The following NINL variants were observed in gnomAD, a reference collection of about 807,000 sequenced individuals.
NINL encodes ninein-like protein.
Under a neutral mutation model 160.3 loss-of-function variants are expected in NINL, and 153 were observed. The observed-to-expected ratio is 0.95, with a 90% CI of 0.84 to 1.09. NINL has a LOEUF of 1.09. Ranked by LOEUF, NINL falls within the 50% of genes least tolerant of loss-of-function variation. NINL has a pLI of 0.00. For synonymous variants in NINL, 800 were observed against 734.8 expected (o/e 1.09, Z -1.43); for missense variants, 1,829 against 1,764.0 (o/e 1.04, Z -0.66).
intron 1 of NINL, among the ~76,000 whole-genome samples, chr20:25,540,897 C>A (rs1173439734): frequency 6.6e-6 from 1 of 151,560 alleles, no homozygotes; most frequent in Non-Finnish European, 1.5e-5. Context: ...CAGGCACAGA[C>A]CCAAAATATC....
chr20:25,479,511 C>T (rs1239840222), intron 15 of NINL, among the ~76,000 whole-genome samples: 5 of 152,192 alleles, frequency 3.3e-5, no homozygotes, highest in African/African-American at 1.2e-4. Context: ...GGAATCTTTA[C>T]AGGACCTCGG....
chr20:25,582,634 T>C (rs184678969), intron 1 of NINL, among the ~76,000 whole-genome samples: 2 of 152,348 alleles, frequency 1.3e-5, no homozygotes, highest in East Asian at 3.9e-4. Context: ...TCTGTCATCA[T>C]TTAAACCACT....
chr20:25,506,006 G>A (rs111246707), intron 5 of NINL, among the ~76,000 whole-genome samples: 27 of 152,374 alleles, frequency 1.8e-4, no homozygotes, highest in African/African-American at 5.5e-4. Context: ...GCTTACGCCT[G>A]TAATCCCAGC....
At chr20:25,464,342 G>A (rs577459263) in intron 19 of NINL, among the ~76,000 whole-genome samples, 3 of 152,260 alleles carry the variant, frequency 2.0e-5, no homozygotes, top group South Asian at 2.1e-4. Flanking sequence ...GATTGAACCC[G>A]GGAGGCAGAG....
chr20:25,579,444 C>G (rs943368395), intron 1 of NINL, among the ~76,000 whole-genome samples: 1 of 152,218 alleles, frequency 6.6e-6, no homozygotes, highest in Admixed American at 6.5e-5. Context: ...CCATTTCTGG[C>G]AGCCACAACC....
At chr20:25,470,479 G>A (rs989917868) in intron 17 of NINL, among the ~76,000 whole-genome samples, 2 of 152,200 alleles carry the variant, frequency 1.3e-5, no homozygotes, top group African/African-American at 2.4e-5. Flanking sequence ...CTCATGCCCT[G>A]GCAGTGAACT....
chr20:25,513,468 C>A (rs1004990252), intron 3 of NINL, among the ~76,000 whole-genome samples: 2 of 152,180 alleles, frequency 1.3e-5, no homozygotes, highest in Non-Finnish European at 2.9e-5. Context: ...TATCTCTCAC[C>A]CCACTGGGAC....
At position 25,562,202 on chromosome 20, in the gene NINL, C is replaced by T. The variant is rs1442610484; in HGVS notation, c.-12+23253G>A. The stretch of plus-strand genomic sequence containing the variant: ...GTCAGCCCCCTGCCCGGCCAGCCGC[C>T]CCGTCCGGGAGGTGAGGGGCGCCTC... On this transcript the variant is annotated intron_variant, in intron 1 of 23. Coordinates refer to ENST00000278886, the MANE Select transcript of NINL (RefSeq NM_025176.6). Among the ~76,000 whole-genome samples the T allele has an allele frequency of 1.6e-3, 230 of 141,200 alleles. 3 individuals are homozygous for T. Among genetic ancestry groups the T allele is most frequent in the African/African-American group, 5.7e-3 (216 of 38,010 alleles). 92.6% of individuals were successfully genotyped at this position (141,200 alleles called of 152,430 possible). A position where few individuals can be genotyped will look rare whatever the true frequency, so the allele number is the denominator to read the frequency against.
At chr20:25,553,103 G>GTTTTTTTTTTTTTTTTTTTTTTTT (rs760131174) in intron 1 of NINL, among the ~76,000 whole-genome samples, 1 of 58,048 alleles carries the variant, frequency 1.7e-5, no homozygotes. Flanking sequence ...ACCCTTGTTG[G>GTTTTTTTTTTTTTTTTTTTTTTTT]GTTTTTTTTT....
rs562443122 is a variant in NINL at position 25,569,671 on chromosome 20, C to T, written c.-12+15784G>A. 1.2e-4 allele frequency among the ~76,000 whole-genome samples: 19 copies of T among 152,324 alleles called. No individual in the cohort carries two copies. In the East Asian group the frequency reaches 2.7e-3, roughly 22 times the overall value. Reference sequence around the variant, plus strand: ...TTCTGAGCGACACCTGAGAGGCCGACGACTGGTAACCCAGATTCCCTCAGA... The same window carrying T: ...TTCTGAGCGACACCTGAGAGGCCGATGACTGGTAACCCAGATTCCCTCAGA... On this transcript the variant is annotated intron_variant, in intron 1 of 23. Coordinates refer to ENST00000278886, the MANE Select transcript of NINL (RefSeq NM_025176.6).
chr20:25,493,079 C>T lies in NINL; in HGVS notation c.1311-1554G>A, dbSNP rs139577080. Among the ~76,000 whole-genome samples the T allele has an allele frequency of 1.4e-3, 209 of 152,252 alleles. 1 individual carries two copies. The highest frequency in any genetic ancestry group is 4.7e-3 in the African/African-American group (197 of 41,544). On this transcript the variant is annotated intron_variant, in intron 10 of 23. Transcript: ENST00000278886. The stretch of plus-strand genomic sequence containing the variant: ...ACCAGGTTCCAGGACAGAGTGTTTC[C>T]AATCCTCTAACCCTGGGAAAGACAA...
intron 1 of NINL, among the ~76,000 whole-genome samples, chr20:25,550,102 T>C (rs972476025): frequency 3.9e-5 from 6 of 152,050 alleles, no homozygotes; most frequent in Non-Finnish European, 8.8e-5. Context: ...AAAAAGGGGG[T>C]GGATACAGTG....
chr20:25,515,520 A>G (rs898235622), intron 3 of NINL, among the ~76,000 whole-genome samples: 2 of 152,190 alleles, frequency 1.3e-5, no homozygotes, highest in Non-Finnish European at 2.9e-5. Flanking sequence ...GAGACTTGTT[A>G]CAAGGCATGA....
chr20:25,536,914 T>C (rs751005563), intron 1 of NINL, among the ~76,000 whole-genome samples: 23 of 152,154 alleles, frequency 1.5e-4, no homozygotes, highest in Non-Finnish European at 3.1e-4. Flanking sequence ...AGAATGAGGT[T>C]TAATTACCTT....
rs67346359 is a variant in NINL, at chr20:25,545,988, A to ATT, written c.-11-19392_-11-19391dup. On this transcript the variant is annotated intron_variant, in intron 1 of 23. Transcript: ENST00000278886. ...TTTCTTTCTTTGTTGTTTTGTTTTT[A>ATT]TTTTTTTTTTTGAGACAGAGTCTCG... 2.9e-3 allele frequency among the ~76,000 whole-genome samples: 426 copies of ATT among 147,368 alleles called. 2 individuals are homozygous for ATT. Among genetic ancestry groups the ATT allele is most frequent in the East Asian group, 4.0e-3 (20 of 5,038 alleles).
At chr20:25,535,855 GA>G (rs1600298305) in intron 1 of NINL, among the ~76,000 whole-genome samples, 1 of 152,196 alleles carries the variant, frequency 6.6e-6, no homozygotes, top group East Asian at 1.9e-4. Context: ...GAAAAGCCCA[GA>G]AAAGGGAGCC....
intron 9 of NINL, among the ~76,000 whole-genome samples, chr20:25,497,978 C>T (rs1316882340): frequency 2.0e-5 from 3 of 152,254 alleles, no homozygotes; most frequent in Non-Finnish European, 4.4e-5. Flanking sequence ...CACGGATGAG[C>T]GGCTGCCATT....
At chr20:25,552,847 C>T (rs892105912) in intron 1 of NINL, among the ~76,000 whole-genome samples, 2 of 152,212 alleles carry the variant, frequency 1.3e-5, no homozygotes, top group African/African-American at 4.8e-5. Context: ...TGCGAAGAGC[C>T]GAGCCTATCT....
chr20:25,570,693 A>AATTTTT (rs1423732606), intron 1 of NINL, among the ~76,000 whole-genome samples: 4 of 74,126 alleles, frequency 5.4e-5, no homozygotes, highest in Middle Eastern at 6.7e-3. Context: ...GGGCAAGTAG[A>AATTTTT]CTTTTTTTTT....
Sources: gnomAD v4.1 joint callset for allele counts (sites outside exome capture counted in the v4.1 genomes callset) on GRCh38, gnomAD v4.1.1 for gene constraint, MANE v1.5 for transcripts, NCBI Gene and HGNC (gene_info 2026-07-23, HGNC 2026-07-21) for gene names.